Variants in ZFPM2 observed in about 807,000 individuals in gnomAD.
ZFPM2 encodes zinc finger protein, FOG family member 2.
A neutral mutation model predicts 98.6 loss-of-function variants in ZFPM2; 20 were observed. The ratio of observed to expected loss-of-function variants is 0.20; its 90% CI spans 0.14 to 0.29. ZFPM2 has a LOEUF of 0.29. Among genes scored for constraint, ZFPM2 ranks in the 10% least tolerant of loss-of-function variants. The probability of loss-of-function intolerance (pLI) is 1.00; values close to 1 mark genes in which losing one functional copy is unlikely to be tolerated. For synonymous variants in ZFPM2, 518 were observed against 502.7 expected (o/e 1.03, Z -0.41); for missense variants, 1,310 against 1,388.6 (o/e 0.94, Z 0.90).
intron 3 of ZFPM2, among the ~76,000 whole-genome samples, chr8:105,503,187 T>A (rs1044423284): frequency 1.3e-5 from 2 of 152,180 alleles, no homozygotes; most frequent in Admixed American, 6.5e-5. Flanking sequence ...CAGGTAACTA[T>A]TGGATTCTGA....
chr8:105,529,496 A>G (rs1814248047), intron 3 of ZFPM2, among the ~76,000 whole-genome samples: 1 of 151,882 alleles, frequency 6.6e-6, no homozygotes, highest in African/African-American at 2.4e-5. Context: ...GTAACACGGA[A>G]TATGTTGCTT....
chr8:105,563,992 T>C (rs1324835592), intron 4 of ZFPM2, among the ~76,000 whole-genome samples: 3 of 152,132 alleles, frequency 2.0e-5, no homozygotes, highest in African/African-American at 7.2e-5. Flanking sequence ...AGAATGGTAG[T>C]TTTATGACAT....
At chr8:105,785,408 T>TACAGC (rs1813385459) in intron 5 of ZFPM2, among the ~76,000 whole-genome samples, 2 of 151,028 alleles carry the variant, frequency 1.3e-5, no homozygotes, top group Admixed American at 6.6e-5. Context: ...TGACCCTGTG[T>TACAGC]TTGGACTTTG....
At chr8:105,338,032 TA>T (rs1037631109) in intron 1 of ZFPM2, among the ~76,000 whole-genome samples, 2 of 151,766 alleles carry the variant, frequency 1.3e-5, no homozygotes, top group Admixed American at 1.3e-4. Context: ...TGTACTTTGT[TA>T]AAAAGTTTTA....
chr8:105,683,581 C>T (rs1424371713), intron 5 of ZFPM2, among the ~76,000 whole-genome samples: 1 of 152,090 alleles, frequency 6.6e-6, no homozygotes, highest in Non-Finnish European at 1.5e-5. Context: ...ACAATCTTCC[C>T]TCCTCCTTCA....
chr8:105,795,277 T>TGG (rs1450738254), intron 6 of ZFPM2, among the ~76,000 whole-genome samples: 1 of 150,986 alleles, frequency 6.6e-6, no homozygotes, highest in Non-Finnish European at 1.5e-5. Flanking sequence ...TGTGTGTGTG[T>TGG]GTGTGTGGTC....
At chr8:105,756,506 GACTAT>G (rs1401648981) in intron 5 of ZFPM2, among the ~76,000 whole-genome samples, 1 of 152,208 alleles carries the variant, frequency 6.6e-6, no homozygotes, top group East Asian at 1.9e-4. Flanking sequence ...CCCCTAAACA[GACTAT>G]AATAAAGTAG....
intron 3 of ZFPM2, among the ~76,000 whole-genome samples, chr8:105,497,592 C>T (rs1387105175): frequency 6.6e-6 from 1 of 151,986 alleles, no homozygotes; most frequent in Admixed American, 6.5e-5. Context: ...TTAAGCTGGA[C>T]CCTTTATCTG....
At chr8:105,489,467 T>TATATATATATATATA (rs372429625) in intron 3 of ZFPM2, among the ~76,000 whole-genome samples, 2 of 88,036 alleles carry the variant, frequency 2.3e-5, no homozygotes, top group African/African-American at 1.1e-4. Flanking sequence ...TATATATATA[T>TATATATATATATATA]TTTTTTTTTT....
chr8:105,661,423 A>T lies in ZFPM2; in HGVS notation c.532+27066A>T, dbSNP rs1397901321. 2.6e-5 allele frequency among the ~76,000 whole-genome samples: 4 copies of T among 152,310 alleles called. No individual in the cohort carries two copies. The South Asian group carries it at 8.3e-4, about 32-fold the overall frequency. On this transcript the variant is annotated intron_variant, in intron 5 of 7. Transcript: ENST00000407775. ...TTTCTGCGAATATAGGTCTGCATAA[A>T]TCCCTCACCCTAAGGACTTGTATGT...
chr8:105,658,920 A>T (rs1267434981), intron 5 of ZFPM2, among the ~76,000 whole-genome samples: 1 of 152,240 alleles, frequency 6.6e-6, no homozygotes, highest in Non-Finnish European at 1.5e-5. Flanking sequence ...TATGAAAGGA[A>T]TAACCAGAAA....
chr8:105,411,084 T>A (rs544314341), intron 1 of ZFPM2, among the ~76,000 whole-genome samples: 87 of 152,004 alleles, frequency 5.7e-4, no homozygotes, highest in African/African-American at 2.1e-3. Context: ...GTGTCTAGAT[T>A]TTTTTAAAAT....
At chr8:105,571,046 A>G (rs1297312176) in intron 4 of ZFPM2, among the ~76,000 whole-genome samples, 1 of 152,218 alleles carries the variant, frequency 6.6e-6, no homozygotes, top group African/African-American at 2.4e-5. Flanking sequence ...ATGTCATCAT[A>G]AGATGATCAA....
intron 1 of ZFPM2, chr8:105,418,722 A>C (rs927713276): frequency 1.6e-5 from 8 of 489,908 alleles, no homozygotes; most frequent in African/African-American, 1.6e-4. Context: ...ATTAAAATGC[A>C]TTCAATTACT....
At chr8:105,787,855 A>C (rs1813465825) in intron 5 of ZFPM2, among the ~76,000 whole-genome samples, 1 of 152,224 alleles carries the variant, frequency 6.6e-6, no homozygotes, top group South Asian at 2.1e-4. Context: ...TGCCTGTCTA[A>C]ACATGTTAAA....
chr8:105,587,091 A>G lies in ZFPM2; in HGVS notation c.420+25610A>G, dbSNP rs1342946627. The stretch of plus-strand genomic sequence containing the variant: ...GGAGATCGAGACCATCCTGGCTAAC[A>G]CGGTGAAACCCCGTCTCTACTAAAA... On this transcript the variant is annotated intron_variant, in intron 4 of 7. Coordinates refer to ENST00000407775, the MANE Select transcript of ZFPM2 (RefSeq NM_012082.4). Among the ~76,000 whole-genome samples the G allele has an allele frequency of 2.0e-5, 3 of 151,510 alleles. No homozygotes were observed. In the East Asian group the frequency reaches 5.9e-4, roughly 30 times the overall value.
Position 105,788,760 on chromosome 8 carries a change from G to C in ZFPM2, c.575G>C (p.Gly192Ala). 6.2e-7 allele frequency: 1 copy of C among 1,614,000 alleles called. No individual in the cohort carries two copies. Among genetic ancestry groups the C allele is most frequent in the Non-Finnish European group, 8.5e-7 (1 of 1,179,884 alleles). Residue 192 changes from glycine to alanine, a missense_variant, in exon 6 of 8, where the codon GGT becomes GCT. Gly to Ala is a moderately conservative substitution (Grantham distance 60). Transcript: ENST00000407775. ...WCTTTKAISE[G>A]EELIAFVVDF... is the part of the protein sequence containing the mutation. ...ACAACTACGAAGGCCATCTCTGAGG[G>C]TGAAGAGCTAATTGCCTTTGTGGTG...
At chr8:105,550,560 T>C (rs1165664520) in intron 3 of ZFPM2, among the ~76,000 whole-genome samples, 9 of 152,124 alleles carry the variant, frequency 5.9e-5, no homozygotes, top group Non-Finnish European at 8.8e-5. Flanking sequence ...GAAAGCATTG[T>C]GGAGATATCT....
chr8:105,347,294 TC>T (rs1786686693), intron 1 of ZFPM2, among the ~76,000 whole-genome samples: 1 of 152,258 alleles, frequency 6.6e-6, no homozygotes, highest in African/African-American at 2.4e-5. Flanking sequence ...ACATAAAACT[TC>T]CAGTCATTGA....
Sources: gnomAD v4.1 joint callset for allele counts (sites outside exome capture counted in the v4.1 genomes callset) on GRCh38, gnomAD v4.1.1 for gene constraint, MANE v1.5 for transcripts, NCBI Gene and HGNC (gene_info 2026-07-23, HGNC 2026-07-21) for gene names.